HS3ST5: variants seen among roughly 807,000 people sequenced by gnomAD.
HS3ST5 encodes heparan sulfate-glucosamine 3-sulfotransferase 5.
A neutral mutation model predicts 25.4 loss-of-function variants in HS3ST5; 10 were observed. That is an observed-to-expected ratio of 0.39 (90% CI 0.24 to 0.67). HS3ST5 has a LOEUF of 0.67. HS3ST5 is among the 30% of genes least tolerant of loss of function. HS3ST5 has a pLI of 0.44. For missense variants in HS3ST5, 324 were observed against 420.7 expected, an observed-to-expected ratio of 0.77 and a Z score of 2.01; for synonymous variants, 170 against 162.4, an observed-to-expected ratio of 1.05 and a Z score of -0.36.
intron 3 of HS3ST5, among the ~76,000 whole-genome samples, chr6:114,076,394 G>A (rs993532165): frequency 2.0e-5 from 3 of 152,162 alleles, no homozygotes; most frequent in African/African-American, 7.2e-5. Flanking sequence ...AAAGACAACT[G>A]CATTGTGGTG....
At chr6:114,194,267 T>A (rs776959047) in intron 2 of HS3ST5, among the ~76,000 whole-genome samples, 6 of 152,178 alleles carry the variant, frequency 3.9e-5, no homozygotes, top group Admixed American at 6.5e-5. Context: ...TTTAGCTGAA[T>A]AATATTAAAT....
chr6:114,328,256 A>C (rs1028287754), intron 1 of HS3ST5, among the ~76,000 whole-genome samples: 15 of 152,154 alleles, frequency 9.9e-5, no homozygotes, highest in African/African-American at 3.6e-4. Flanking sequence ...GAAGGAAGGA[A>C]GGAAAGAAGG....
intron 1 of HS3ST5, among the ~76,000 whole-genome samples, chr6:114,258,180 A>G (rs1166411451): frequency 6.6e-6 from 1 of 152,158 alleles, no homozygotes; most frequent in Non-Finnish European, 1.5e-5. Context: ...TTATTCACAA[A>G]TAAAAGATGG....
intron 3 of HS3ST5, among the ~76,000 whole-genome samples, chr6:114,157,436 G>A (rs987045620): frequency 6.6e-6 from 1 of 151,986 alleles, no homozygotes; most frequent in African/African-American, 2.4e-5. Flanking sequence ...GAGTTGCAGG[G>A]GGATGGAAAG....
intron 3 of HS3ST5, among the ~76,000 whole-genome samples, chr6:114,079,256 C>A (rs1391116855): frequency 6.6e-6 from 1 of 152,176 alleles, no homozygotes; most frequent in Non-Finnish European, 1.5e-5. Flanking sequence ...TGTTTGACAG[C>A]ATTTTAACCA....
At chr6:114,293,593 T>C (rs1418133561) in intron 1 of HS3ST5, among the ~76,000 whole-genome samples, 1 of 152,190 alleles carries the variant, frequency 6.6e-6, no homozygotes, top group Admixed American at 6.5e-5. Context: ...GGCAACTTAA[T>C]TGTAAAAGTT....
At chr6:114,265,902 T>C (rs1376088115) in intron 1 of HS3ST5, among the ~76,000 whole-genome samples, 1 of 152,194 alleles carries the variant, frequency 6.6e-6, no homozygotes, top group Non-Finnish European at 1.5e-5. Context: ...CTTCTCTTGC[T>C]GCATGCTGTC....
rs1722830613 is a variant in HS3ST5 at position 114,062,855 on chromosome 6, T to C, written c.-10A>G. ...GCTGTTTGAATAGCATGGCCCTCCA[T>C]CAACCTTCAGGACTGCTGCAGCCTG... On this transcript the variant is annotated 5_prime_UTR_variant, in exon 4 of 5. It removes an upstream start codon present in the reference 5' UTR. Coordinates refer to ENST00000312719, the MANE Select transcript of HS3ST5 (RefSeq NM_153612.4). 6.2e-7 allele frequency: 1 copy of C among 1,610,146 alleles called. No individual in the cohort carries two copies. The highest frequency in any genetic ancestry group is 1.3e-5 in the African/African-American group (1 of 74,830).
At chr6:114,124,928 G>T (rs1459498620) in intron 3 of HS3ST5, among the ~76,000 whole-genome samples, 30 of 152,176 alleles carry the variant, frequency 2.0e-4, no homozygotes, top group Non-Finnish European at 1.5e-5. Flanking sequence ...TCCATGGGGT[G>T]AGTCTAGTTG....
Position 114,057,811 on chromosome 6 carries a change from C to G in HS3ST5, c.487G>C (p.Glu163Gln). Residue 163 changes from glutamate to glutamine, a missense_variant, in exon 5 of 5, where the codon GAG becomes CAG. By Grantham distance (29) the Glu-to-Gln change is conservative. Around this residue, in one of 2 missense-constraint regions of HS3ST5, gnomAD observed 203 missense variants for 303.4 expected, o/e 0.67. Transcript: ENST00000312719. ...IEKSPAYFIT[E>Q]EVPERIYKMN... ...TTGTAAATCCTTTCTGGAACCTCCT[C>G]TGTGATAAAATATGCTGGGCTCTTT... 1 of 1,614,142 alleles carries G rather than the reference C, an allele frequency of 6.2e-7. No individual in the cohort carries two copies. Among genetic ancestry groups the G allele is most frequent in the South Asian group, 1.1e-5 (1 of 91,078 alleles).
chr6:114,088,126 T>G (rs1227478542), intron 3 of HS3ST5, among the ~76,000 whole-genome samples: 1 of 152,244 alleles, frequency 6.6e-6, no homozygotes, highest in Non-Finnish European at 1.5e-5. Context: ...TTCTTTTTAC[T>G]TTTTCTAATG....
In HS3ST5 at chr6:114,342,727, T is replaced by A. The variant is rs1262836171; in HGVS notation, c.-871A>T. The A allele has an allele frequency of 6.6e-6, 1 of 152,482 alleles. No individual in the cohort carries two copies. The highest frequency in any genetic ancestry group is 1.5e-5 in the Non-Finnish European group (1 of 68,342). 9.4% of individuals were successfully genotyped at this position (152,482 alleles called of 1,614,324 possible). ...AGGGCGAGACTTCGGGCGTCCTCGG[T>A]GACAGCTCCTCGGGCAGCCCGCTCC... On this transcript the variant is annotated 5_prime_UTR_variant, in exon 1 of 5. Transcript: ENST00000312719.
chr6:114,115,913 T>A (rs79011312), intron 3 of HS3ST5, among the ~76,000 whole-genome samples: 6,486 of 152,156 alleles, frequency 0.043, 255 homozygotes, highest in Non-Finnish European at 0.058. Flanking sequence ...TGATATATGA[T>A]CTTTTATGCC....
At chr6:114,084,053 T>C (rs1441775467) in intron 3 of HS3ST5, 3 of 569,640 alleles carry the variant, frequency 5.3e-6, no homozygotes, top group East Asian at 2.8e-5. Flanking sequence ...TCTTTTTTTA[T>C]GGTCTCAGGT....
At chr6:114,092,945 G>A (rs983760767) in intron 3 of HS3ST5, among the ~76,000 whole-genome samples, 2 of 152,040 alleles carry the variant, frequency 1.3e-5, no homozygotes, top group African/African-American at 4.8e-5. Flanking sequence ...AAAGTGCTGG[G>A]ATTATAGGTG....
chr6:114,190,814 G>A (rs973727211), intron 2 of HS3ST5, among the ~76,000 whole-genome samples: 1 of 152,150 alleles, frequency 6.6e-6, no homozygotes, highest in African/African-American at 2.4e-5. Flanking sequence ...TCGCTATTGT[G>A]AAGATAACTT....
intron 1 of HS3ST5, among the ~76,000 whole-genome samples, chr6:114,241,232 G>C (rs936199038): frequency 1.5e-4 from 21 of 137,954 alleles, no homozygotes; most frequent in African/African-American, 5.4e-4. Flanking sequence ...AATTGCTTTA[G>C]TAAAATTACC....
At chr6:114,089,685 ATGATTGCTTCTC>A (rs1173552211) in intron 3 of HS3ST5, among the ~76,000 whole-genome samples, 4 of 152,218 alleles carry the variant, frequency 2.6e-5, no homozygotes, top group Non-Finnish European at 1.5e-5. Context: ...TTCAAATATT[ATGATTGCTTCTC>A]TGATTGCTTC....
intron 1 of HS3ST5, among the ~76,000 whole-genome samples, chr6:114,243,413 C>T (rs1481000420): frequency 1.3e-5 from 2 of 152,112 alleles, no homozygotes; most frequent in African/African-American, 4.8e-5. Flanking sequence ...GCCACCATGA[C>T]ACATATGAGA....
Sources: gnomAD v4.1 joint callset for allele counts (sites outside exome capture counted in the v4.1 genomes callset) on GRCh38, gnomAD v4.1.1 for gene constraint, gnomAD v4.1.1 regional missense constraint, MANE v1.5 for transcripts, NCBI Gene and HGNC (gene_info 2026-07-23, HGNC 2026-07-21) for gene names.